Variants in HCN2 observed in about 807,000 individuals in gnomAD.
The protein encoded by HCN2 is hyperpolarization activated cyclic nucleotide gated potassium and sodium channel 2, also known as potassium/sodium hyperpolarization-activated cyclic nucleotide-gated channel 2.
HCN2 carries 20 observed loss-of-function variants against 52.3 expected under a neutral mutation model. The observed-to-expected ratio is 0.38, with a 90% confidence interval of 0.27 to 0.56. HCN2 has a LOEUF of 0.56. Among genes scored for constraint, HCN2 ranks in the 20% least tolerant of loss-of-function variants. HCN2 has a pLI of 0.71. For missense variants in HCN2, 981 were observed against 1,207.7 expected, an observed-to-expected ratio of 0.81 and a Z score of 2.78; for synonymous variants, 694 against 537.0, an observed-to-expected ratio of 1.29 and a Z score of -4.04.
At chr19:601,264 G>C (rs1245412142) in intron 1 of HCN2, among the ~76,000 whole-genome samples, 1 of 152,220 alleles carries the variant, frequency 6.6e-6, no homozygotes, top group Admixed American at 6.5e-5. Flanking sequence ...AGTGAGCCGA[G>C]ATGGTGCCAC....
chr19:613,470 G>A lies in HCN2; in HGVS notation c.1807G>A (p.Asp603Asn). The A allele has an allele frequency of 1.3e-6, 2 of 1,588,816 alleles. No homozygotes were observed. The highest frequency in any genetic ancestry group is 1.7e-6 in the Non-Finnish European group (2 of 1,165,020). The change falls in exon 6 of 8, where the codon GAT becomes AAT. Residue 603 changes from aspartate to asparagine, a missense_variant. This residue lies in a region of HCN2 where 85 missense variants were observed against 106.1 expected (regional missense o/e 0.80). Transcript: ENST00000251287. ...TKGNKEMKLS[D>N]GSYFGEICLL... ...GGGCAACAAGGAGATGAAGCTGTCC[G>A]ATGGCTCCTACTTCGGGGGTGAGCT...
intron 1 of HCN2, among the ~76,000 whole-genome samples, chr19:599,321 G>T (rs185126979): frequency 6.6e-6 from 1 of 152,348 alleles, no homozygotes; most frequent in East Asian, 1.9e-4. Flanking sequence ...ACTTTCGGCG[G>T]CTCCTGAAAC....
In HCN2 at chr19:590,817, T is replaced by C. The variant is rs1982848650; in HGVS notation, c.632+240T>C. ...CGCCCCCCTCCCACGCACCCCGACATCCTCCGCCCTGCGGCGCGGCGGGTG... is the reference window on the plus strand; with the variant it reads ...CGCCCCCCTCCCACGCACCCCGACACCCTCCGCCCTGCGGCGCGGCGGGTG... On this transcript the variant is annotated intron_variant, in intron 1 of 7. Transcript: ENST00000251287. The surrounding 1 kb of genome is among the most constrained non-coding windows in gnomAD (Gnocchi z 7.2). 1 of 269,744 alleles carries C rather than the reference T, an allele frequency of 3.7e-6. No individual in the cohort carries two copies. The highest frequency in any genetic ancestry group is 6.9e-6 in the Non-Finnish European group (1 of 144,090). The allele number at this position is 269,744 out of a possible 1,614,324, so 16.7% of individuals were successfully genotyped here.
At chr19:605,259 G>A (rs369357201) in intron 3 of HCN2, 37 bp downstream of exon 3, 3 of 1,601,158 alleles carry the variant, frequency 1.9e-6, no homozygotes, top group Non-Finnish European at 2.6e-6. Context: ...GGGAGACGCA[G>A]GCTCCCATAC....
chr19:612,939 G>C (rs550888797), intron 5 of HCN2, among the ~76,000 whole-genome samples: 1 of 151,512 alleles, frequency 6.6e-6, no homozygotes, highest in Non-Finnish European at 1.5e-5. Context: ...CTCGGCCTCC[G>C]CAAATGCTGA....
intron 1 of HCN2, among the ~76,000 whole-genome samples, chr19:599,946 C>T (rs1461505968): frequency 1.4e-5 from 2 of 138,226 alleles, no homozygotes; most frequent in Non-Finnish European, 3.3e-5. Context: ...TGGGCTCAAG[C>T]GATCCTCCTA....
chr19:616,787 C>G lies in HCN2; in HGVS notation c.*313C>G, dbSNP rs1486069218. 9.0e-6 allele frequency: 2 copies of G among 222,154 alleles called. No individual in the cohort carries two copies. The highest frequency in any genetic ancestry group is 4.7e-5 in the African/African-American group (2 of 42,270). The allele number at this position is 222,154 out of a possible 1,614,324, so 13.8% of individuals were successfully genotyped here. A position where few individuals can be genotyped will look rare whatever the true frequency, so the allele number is the denominator to read the frequency against. On this transcript the variant is annotated 3_prime_UTR_variant, in exon 8 of 8. Coordinates refer to ENST00000251287, the MANE Select transcript of HCN2 (RefSeq NM_001194.4). Reference sequence around the variant, plus strand: ...AGACAGGGACGGGGCGGCCCAGTGGCTGAGAGGAGCCGGCTGTGGAGCCCC... The same window carrying G: ...AGACAGGGACGGGGCGGCCCAGTGGGTGAGAGGAGCCGGCTGTGGAGCCCC...
In HCN2 at chr19:616,324, G is replaced by A. The variant is rs1020685968; in HGVS notation, c.2520G>A (p.Pro840=). The stretch of plus-strand genomic sequence containing the variant: ...CCGGCCCCGCGGCCTCCACACGCCC[G>A]GCCAGCAGCTCCACACCGCGCTTGG... The part of the protein sequence containing the change: ...GAPGPAASTR[P]ASSSTPRLGP... The change falls in exon 8 of 8, where the codon CCG becomes CCA. Residue 840 remains proline, a synonymous_variant. Coordinates refer to ENST00000251287, the MANE Select transcript of HCN2 (RefSeq NM_001194.4). 7.3e-5 allele frequency: 85 copies of A among 1,169,624 alleles called. No homozygotes were observed. The highest frequency in any genetic ancestry group is 1.5e-4 in the African/African-American group (9 of 59,928). The allele number at this position is 1,169,624 out of a possible 1,614,324, so 72.5% of individuals were successfully genotyped here. A position where few individuals can be genotyped will look rare whatever the true frequency, so the allele number is the denominator to read the frequency against.
Position 603,669 on chromosome 19 carries a change from C to T in HCN2, c.758C>T (p.Thr253Ile). Residue 253 changes from threonine to isoleucine, a missense_variant, in exon 2 of 8, where the codon ACC (threonine) becomes ATC (isoleucine). This residue lies in a region of HCN2 where 282 missense variants were observed against 553.8 expected (regional missense o/e 0.51). Coordinates refer to ENST00000251287, the MANE Select transcript of HCN2 (RefSeq NM_001194.4). ...PWIVFNVVSD[T>I]FFLMDLVLNF... ...ATCGTGTTCAACGTGGTCTCGGACACCTTCTTCCTCATGGACCTGGTGTTG... is the reference window on the plus strand; with the variant it reads ...ATCGTGTTCAACGTGGTCTCGGACATCTTCTTCCTCATGGACCTGGTGTTG... 6.2e-7 allele frequency: 1 copy of T among 1,612,748 alleles called. No individual in the cohort carries two copies. Among genetic ancestry groups the T allele is most frequent in the Non-Finnish European group, 8.5e-7 (1 of 1,179,736 alleles).
At position 613,834 on chromosome 19, in the gene HCN2, CCT is replaced by C; in HGVS notation, c.1826-17_1826-16del. The stretch of plus-strand genomic sequence containing the variant: ...CGCCCGCCTCGTCCAGCAACCCCCC[CCT>C]GCGCGCCACGTGCAGAGATCTGCCT... On this transcript the variant is annotated splice_polypyrimidine_tract_variant and intron_variant, in intron 6 of 7. Transcript: ENST00000251287. 1 of 1,532,368 alleles carries C rather than the reference CCT, an allele frequency of 6.5e-7. No individual in the cohort carries two copies. The allele number at this position is 1,532,368 out of a possible 1,614,324, so 94.9% of individuals were successfully genotyped here.
rs778326912 is a variant in HCN2, at chr19:613,346, G to A, written c.1683G>A (p.Lys561=). The A allele has an allele frequency of 6.2e-6, 10 of 1,613,088 alleles. No homozygotes were observed. In the South Asian group the frequency reaches 1.1e-4, roughly 18 times the overall value. The change falls in exon 6 of 8, where the codon AAG becomes AAA. Residue 561 remains lysine, a synonymous_variant. Coordinates refer to ENST00000251287, the MANE Select transcript of HCN2 (RefSeq NM_001194.4). The stretch of plus-strand genomic sequence containing the variant: ...TCACGGCCATGCTGACCAAGCTCAA[G>A]TTCGAGGTCTTCCAGCCGGGTGACT... ...NFVTAMLTKL[K]FEVFQPGDYI...
chr19:590,368 G>A lies in HCN2; in HGVS notation c.423G>A (p.Ala141=), dbSNP rs1344529708. ...GGCCCGCGCCGGGGCCGGGGCCGGC[G>A]GAGGAGGCGGGCAGCGAGGAGGCGG... ...ASGPAPGPGP[A]EEAGSEEAGP... Residue 141 remains alanine, a synonymous_variant, in exon 1 of 8, where the codon GCG becomes GCA. Coordinates refer to ENST00000251287, the MANE Select transcript of HCN2 (RefSeq NM_001194.4). The surrounding 1 kb of genome is among the most constrained non-coding windows in gnomAD (Gnocchi z 7.2). 2 of 1,162,006 alleles carry A rather than the reference G, an allele frequency of 1.7e-6. No homozygotes were observed. Among genetic ancestry groups the A allele is most frequent in the South Asian group, 4.1e-5 (1 of 24,342 alleles). The allele number at this position is 1,162,006 out of a possible 1,614,324, so 72.0% of individuals were successfully genotyped here. A position where few individuals can be genotyped will look rare whatever the true frequency, so the allele number is the denominator to read the frequency against.
intron 1 of HCN2, among the ~76,000 whole-genome samples, chr19:594,618 C>G (rs1982968726): frequency 1.3e-5 from 2 of 152,188 alleles, no homozygotes; most frequent in Admixed American, 1.3e-4. Context: ...GGGAGATCAG[C>G]CTGGGGGTGC....
chr19:613,310 C>G lies in HCN2; in HGVS notation c.1647C>G (p.Asp549Glu). 2 of 1,613,018 alleles carry G rather than the reference C, an allele frequency of 1.2e-6. No individual in the cohort carries two copies. The highest frequency in any genetic ancestry group is 2.2e-5 in the East Asian group (1 of 44,806). Reference protein sequence around the residue: ...VASMPLFANADPNFVTAMLTK... With the variant: ...VASMPLFANAEPNFVTAMLTK... ...CCATGCCGCTGTTCGCCAACGCCGA[C>G]CCCAACTTCGTCACGGCCATGCTGA... The change falls in exon 6 of 8, where the codon GAC (aspartate) becomes GAG (glutamate). Residue 549 changes from aspartate (D) to glutamate (E), a missense_variant. Asp to Glu is a conservative substitution (Grantham distance 45). Transcript: ENST00000251287.
At chr19:611,476 C>T (rs900667756) in intron 5 of HCN2, among the ~76,000 whole-genome samples, 10 of 152,116 alleles carry the variant, frequency 6.6e-5, no homozygotes, top group African/African-American at 9.7e-5. Context: ...GGCGAGGAGG[C>T]GGGCAGGACG....
At chr19:598,640 C>A (rs1453663619) in intron 1 of HCN2, among the ~76,000 whole-genome samples, 1 of 152,290 alleles carries the variant, frequency 6.6e-6, no homozygotes, top group South Asian at 2.1e-4. Flanking sequence ...CTCGCTCTGT[C>A]GCCCAGGCTG....
chr19:612,427 T>TGTGTGTGTGTGTGTGTGAGAGAGAGA, intron 5 of HCN2, among the ~76,000 whole-genome samples: 10 of 142,358 alleles, frequency 7.0e-5, no homozygotes, highest in African/African-American at 2.1e-4. Flanking sequence ...TGTGTGTGTG[T>TGTGTGTGTGTGTGTGTGAGAGAGAGA]GAGAGAGAGA....
intron 4 of HCN2, among the ~76,000 whole-genome samples, chr19:609,831 C>T (rs566567268): frequency 5.1e-4 from 77 of 152,180 alleles, no homozygotes; most frequent in Non-Finnish European, 8.5e-4. Flanking sequence ...AGCCCATAGG[C>T]GGAGGCTGCA....
chr19:590,461 G>A lies in HCN2; in HGVS notation c.516G>A (p.Gln172=), dbSNP rs376454645. The change falls in exon 1 of 8, where the codon CAG becomes CAA. Residue 172 remains glutamine (Q), a synonymous_variant. Transcript: ENST00000251287. This position sits in a 1 kb window ranked among gnomAD's most constrained non-coding sequence, Gnocchi z 7.2. ...AGCGCCAGTTCGGCGCGCTCCTGCA[G>A]CCGGGCGTCAACAAGTTCTCGCTGC... The part of the protein sequence containing the change: ...FMQRQFGALL[Q]PGVNKFSLRM... 4.6e-5 allele frequency: 69 copies of A among 1,515,352 alleles called. No individual in the cohort carries two copies. Among genetic ancestry groups the A allele is most frequent in the Non-Finnish European group, 6.0e-5 (68 of 1,126,364 alleles). The allele number at this position is 1,515,352 out of a possible 1,614,324, so 93.9% of individuals were successfully genotyped here.
Sources: gnomAD v4.1 joint callset for allele counts (sites outside exome capture counted in the v4.1 genomes callset) on GRCh38, gnomAD v4.1.1 for gene constraint, gnomAD v4.1.1 regional missense constraint, Gnocchi (gnomAD v3.1) non-coding constraint, MANE v1.5 for transcripts, NCBI Gene and HGNC (gene_info 2026-07-23, HGNC 2026-07-21) for gene names.